DNM1: variants seen among roughly 807,000 people sequenced by gnomAD.
The protein encoded by DNM1 is dynamin-1.
DNM1 carries 29 observed loss-of-function variants against 104.6 expected under a neutral mutation model. The observed-to-expected ratio is 0.28, with a 90% CI of 0.21 to 0.38. The LOEUF (loss-of-function observed/expected upper bound fraction) is 0.38, where lower values mean the gene tolerates loss of function less well. Among genes scored for constraint, DNM1 ranks in the 10% least tolerant of loss-of-function variants. The pLI is 1.00. For missense variants in DNM1, 640 were observed against 1,189.4 expected (o/e 0.54, Z 6.79); for synonymous variants, 445 against 475.8 (o/e 0.94, Z 0.84).
rs140895959 is a variant in DNM1, at chr9:128,218,499, A to C, written c.236-83A>C. The C allele has an allele frequency of 5.3e-6, 8 of 1,511,514 alleles. No homozygotes were observed. In the African/African-American group the frequency reaches 8.3e-5, roughly 16 times the overall value. The allele number at this position is 1,511,514 out of a possible 1,614,324, so 93.6% of individuals were successfully genotyped here. A position where few individuals can be genotyped will look rare whatever the true frequency, so the allele number is the denominator to read the frequency against. ...TGCTTGGGTGTGTCTAGGGGGTTCT[A>C]TTACCGGTGGGAGATGAAAACCCCC... On this transcript the variant is annotated intron_variant, in intron 2 of 21. Transcript: ENST00000372923. This position sits in a 1 kb window ranked among gnomAD's most constrained non-coding sequence, Gnocchi z 4.8.
At position 128,203,727 on chromosome 9, in the gene DNM1, C is replaced by G; in HGVS notation, c.161+96C>G. The G allele has an allele frequency of 8.5e-7, 1 of 1,178,228 alleles. No individual in the cohort carries two copies. Among genetic ancestry groups the G allele is most frequent in the Non-Finnish European group, 1.1e-6 (1 of 932,692 alleles). The allele number at this position is 1,178,228 out of a possible 1,614,324, so 73.0% of individuals were successfully genotyped here. On this transcript the variant is annotated intron_variant, in intron 1 of 21. Transcript: ENST00000372923. This position sits in a 1 kb window ranked among gnomAD's most constrained non-coding sequence, Gnocchi z 5.3. ...GACGGCGCGGCGACCTCGCAGCCCC[C>G]GACGCTGCACCCGCGGCCGGCGCGC...
chr9:128,209,433 G>A (rs73672439), intron 1 of DNM1, among the ~76,000 whole-genome samples: 109 of 152,260 alleles, frequency 7.2e-4, no homozygotes, highest in African/African-American at 2.6e-3. Context: ...GAGGAAGTGG[G>A]TCATGGACAC....
chr9:128,246,281 T>C (rs539159423), intron 15 of DNM1, 113 bp from the exon 16 acceptor site: 1 of 763,060 alleles, frequency 1.3e-6, no homozygotes, highest in Non-Finnish European at 2.3e-6. Context: ...ACCTTCGCAG[T>C]GGGAGGGGGC....
rs1829676709 is a variant in DNM1 at position 128,253,804 on chromosome 9, T to C, written c.2535-850T>C. 3 of 606,386 alleles carry C rather than the reference T, an allele frequency of 4.9e-6. No individual in the cohort carries two copies. The highest frequency in any genetic ancestry group is 7.1e-6 in the Non-Finnish European group (3 of 419,998). The allele number at this position is 606,386 out of a possible 1,614,324, so 37.6% of individuals were successfully genotyped here. A position where few individuals can be genotyped will look rare whatever the true frequency, so the allele number is the denominator to read the frequency against. On this transcript the variant is annotated intron_variant, in intron 21 of 21. Coordinates refer to ENST00000372923, the MANE Select transcript of DNM1 (RefSeq NM_004408.4). The surrounding 1 kb of genome is among the most constrained non-coding windows in gnomAD (Gnocchi z 5.9). ...TCCCAGGTACCGTCATAGCTGCTAG[T>C]GTGACTGAAGGCAGTGTCCCTGGCC...
intron 1 of DNM1, among the ~76,000 whole-genome samples, chr9:128,206,664 C>G (rs1033366831): frequency 1.3e-5 from 2 of 152,044 alleles, no homozygotes; most frequent in African/African-American, 4.8e-5. Flanking sequence ...GGGAAAGGTG[C>G]AAAGGCCCCG....
Position 128,224,361 on chromosome 9 carries a change from T to G in DNM1, c.1307T>G (p.Ile436Ser), listed in dbSNP as rs377595837. ...GTGGACATGGTTATCTCGGAGCTAA[T>G]CAGCACCGTTAGACAGTGCACCAAG... ...KCVDMVISEL[I>S]STVRQCTKKL... is the part of the protein sequence containing the mutation. Residue 436 changes from isoleucine (I) to serine (S), a missense_variant, in exon 10 of 22, where the codon ATC becomes AGC. By Grantham distance (142) the Ile-to-Ser change is moderately radical. Around this residue, in one of 7 missense-constraint regions of DNM1, gnomAD observed 92 missense variants for 124.4 expected, o/e 0.74. Transcript: ENST00000372923. The surrounding 1 kb of genome is among the most constrained non-coding windows in gnomAD (Gnocchi z 4.3). 1.3e-5 allele frequency: 21 copies of G among 1,613,946 alleles called. No homozygotes were observed. The highest frequency in any genetic ancestry group is 1.7e-5 in the Non-Finnish European group (20 of 1,179,922).
At chr9:128,231,407 G>A (rs373411933) in intron 10 of DNM1, among the ~76,000 whole-genome samples, 1 of 151,894 alleles carries the variant, frequency 6.6e-6, no homozygotes, top group African/African-American at 2.4e-5. Context: ...CTCCATGTTG[G>A]TCAGGCTGGT....
intron 1 of DNM1, among the ~76,000 whole-genome samples, chr9:128,210,348 C>CATCATTATT (rs1834212004): frequency 7.1e-6 from 1 of 141,610 alleles, no homozygotes; most frequent in Admixed American, 7.2e-5. Context: ...ATTTATTTGG[C>CATCATTATT]ATTATTATTA....
At chr9:128,241,179 G>C (rs1300074591) in intron 14 of DNM1, 2 of 152,298 alleles carry the variant, frequency 1.3e-5, no homozygotes, top group African/African-American at 4.8e-5. Context: ...GCCCCAGAGG[G>C]CTTTGCCGCC....
intron 15 of DNM1, chr9:128,244,904 A>C (rs556444770): frequency 9.8e-6 from 4 of 409,722 alleles, no homozygotes; most frequent in Admixed American, 7.8e-5. Context: ...AGAACCCCCC[A>C]ACCCCAGCCT....
intron 1 of DNM1, among the ~76,000 whole-genome samples, chr9:128,217,964 A>C (rs941778544): frequency 6.6e-5 from 10 of 152,086 alleles, no homozygotes; most frequent in African/African-American, 2.4e-4. Context: ...ATTGGTTCAA[A>C]ACCAACACAG....
intron 19 of DNM1, 114 bp from the exon 20 acceptor site, chr9:128,250,001 A>T: frequency 6.7e-7 from 1 of 1,482,946 alleles, no homozygotes; most frequent in South Asian, 1.2e-5. Context: ...TACGCAGTGT[A>T]GGAGCCGCGT....
chr9:128,244,965 A>C, intron 15 of DNM1: 1 of 297,132 alleles, frequency 3.4e-6, no homozygotes, highest in Non-Finnish European at 7.2e-6. Flanking sequence ...CTCTGCTCCC[A>C]ACTCCCCTTC....
chr9:128,242,999 G>A (rs897152423), intron 15 of DNM1, among the ~76,000 whole-genome samples: 16 of 152,130 alleles, frequency 1.1e-4, no homozygotes, highest in Admixed American at 1.0e-3. Flanking sequence ...CTCCTCTGTG[G>A]CCCCCACAGG....
intron 1 of DNM1, among the ~76,000 whole-genome samples, chr9:128,210,163 C>T (rs994411089): frequency 4.0e-5 from 6 of 151,816 alleles, no homozygotes; most frequent in Admixed American, 1.3e-4. Flanking sequence ...CATCCTCCCA[C>T]CTCAGCCTTC....
chr9:128,249,069 T>C (rs1171882057), intron 19 of DNM1, among the ~76,000 whole-genome samples: 1 of 151,516 alleles, frequency 6.6e-6, no homozygotes, highest in Non-Finnish European at 1.5e-5. Context: ...AGCGTGAGCC[T>C]GTAATTGCAG....
chr9:128,230,320 C>T (rs1835603397), intron 10 of DNM1, among the ~76,000 whole-genome samples: 2 of 148,640 alleles, frequency 1.3e-5, no homozygotes, highest in Admixed American at 6.7e-5. Flanking sequence ...CAGAAAAGAA[C>T]GTATGGTATT....
chr9:128,248,842 C>T lies in DNM1; in HGVS notation c.2076+89C>T. On this transcript the variant is annotated intron_variant, in intron 19 of 21. Transcript: ENST00000372923. The surrounding 1 kb of genome is among the most constrained non-coding windows in gnomAD (Gnocchi z 5.6). Reference sequence around the variant, plus strand: ...TGGCCTGGGGGAGATGCCAACCAGCCCTATGGGACCAGGTCCAGGGAGGGA... The same window carrying T: ...TGGCCTGGGGGAGATGCCAACCAGCTCTATGGGACCAGGTCCAGGGAGGGA... The T allele has an allele frequency of 1.4e-6, 2 of 1,434,514 alleles. No homozygotes were observed. The highest frequency in any genetic ancestry group is 1.9e-6 in the Non-Finnish European group (2 of 1,033,154). The allele number at this position is 1,434,514 out of a possible 1,614,324, so 88.9% of individuals were successfully genotyped here. A position where few individuals can be genotyped will look rare whatever the true frequency, so the allele number is the denominator to read the frequency against.
Position 128,248,606 on chromosome 9 carries a change from C to T in DNM1, c.1929C>T (p.Gly643=), listed in dbSNP as rs757581694. 1.1e-5 allele frequency: 18 copies of T among 1,613,964 alleles called. No individual in the cohort carries two copies. Among genetic ancestry groups the T allele is most frequent in the Non-Finnish European group, 1.5e-5 (18 of 1,179,886 alleles). ...AGGCCAGCGAGACCGAGGAGAATGG[C>T]TCCGACAGCTTCATGCATTCCATGG... ...KEKASETEEN[G]SDSFMHSMDP... The change falls in exon 19 of 22, where the codon GGC becomes GGT. Residue 643 remains glycine, a synonymous_variant. Coordinates refer to ENST00000372923, the MANE Select transcript of DNM1 (RefSeq NM_004408.4). The surrounding 1 kb of genome is among the most constrained non-coding windows in gnomAD (Gnocchi z 5.6).
Sources: allele counts gnomAD v4.1 joint callset (sites outside exome capture counted in the v4.1 genomes callset), GRCh38; gene constraint gnomAD v4.1.1; regional missense constraint gnomAD v4.1.1; non-coding constraint Gnocchi (gnomAD v3.1); transcripts MANE v1.5; gene names NCBI Gene and HGNC (gene_info 2026-07-23, HGNC 2026-07-21).